SCD5: variants seen among roughly 807,000 people sequenced by gnomAD.
The protein encoded by SCD5 is acyl-CoA-desaturase 4.
A neutral mutation model predicts 30.4 loss-of-function variants in SCD5; 20 were observed. That is an observed-to-expected ratio of 0.66 (90% confidence interval 0.46 to 0.96). SCD5 has a LOEUF of 0.96. Ranked by LOEUF, SCD5 falls within the 40% of genes least tolerant of loss-of-function variation. SCD5 has a pLI of 0.00. For missense variants in SCD5, 381 were observed against 443.3 expected (o/e 0.86, Z 1.26); for synonymous variants, 173 against 176.4 (o/e 0.98, Z 0.16).
At chr4:82,798,281 C>T in intron 1 of SCD5, 25 bp downstream of exon 1, 1 of 1,546,140 alleles carries the variant, frequency 6.5e-7, no homozygotes, top group Non-Finnish European at 8.7e-7. Flanking sequence ...GAGGCCGGGG[C>T]GCAGGGGGCG....
rs1206063749 is a variant in SCD5 at position 82,798,527 on chromosome 4, G to A, written c.11C>T (p.Pro4Leu). MPG[P>L]ATDAGKIPFC... is the part of the protein sequence containing the mutation. ...AGGGATCTTCCCCGCGTCGGTGGCC[G>A]GGCCTGGCATGGCTGGGCGAGGTGG... Residue 4 changes from proline (P) to leucine (L), a missense_variant, in exon 1 of 5, where the codon CCG becomes CTG. Pro to Leu is a moderately conservative substitution (Grantham distance 98). Coordinates refer to ENST00000319540, the MANE Select transcript of SCD5 (RefSeq NM_001037582.3). The A allele has an allele frequency of 1.3e-6, 2 of 1,595,896 alleles. No individual in the cohort carries two copies. The highest frequency in any genetic ancestry group is 1.7e-6 in the Non-Finnish European group (2 of 1,171,850).
At chr4:82,777,850 A>T (rs1192882032) in intron 1 of SCD5, among the ~76,000 whole-genome samples, 1 of 152,164 alleles carries the variant, frequency 6.6e-6, no homozygotes, top group Admixed American at 6.5e-5. Flanking sequence ...ACTAAGCAAT[A>T]AAGTCTCTTC....
intron 3 of SCD5, among the ~76,000 whole-genome samples, chr4:82,649,886 T>C (rs1727710125): frequency 6.6e-6 from 1 of 152,188 alleles, no homozygotes; most frequent in Non-Finnish European, 1.5e-5. Flanking sequence ...GCATGAATAC[T>C]GGAGATTACT....
intron 1 of SCD5, among the ~76,000 whole-genome samples, chr4:82,716,434 T>C (rs1720229518): frequency 6.6e-6 from 1 of 151,824 alleles, no homozygotes; most frequent in Non-Finnish European, 1.5e-5. Context: ...TGAAAATACA[T>C]ACAGTCAGCC....
intron 1 of SCD5, among the ~76,000 whole-genome samples, chr4:82,739,227 T>C (rs752861354): frequency 8.5e-5 from 13 of 152,108 alleles, no homozygotes; most frequent in Non-Finnish European, 1.3e-4. Flanking sequence ...GGTAAGACAT[T>C]TGTAGTCATG....
chr4:82,646,809 T>A (rs1727642225), intron 3 of SCD5, among the ~76,000 whole-genome samples: 1 of 152,178 alleles, frequency 6.6e-6, no homozygotes, highest in Non-Finnish European at 1.5e-5. Flanking sequence ...GAAAAGATAT[T>A]TTTCTCTGGC....
At chr4:82,771,190 T>G (rs192567692) in intron 1 of SCD5, among the ~76,000 whole-genome samples, 6 of 152,238 alleles carry the variant, frequency 3.9e-5, no homozygotes, top group Non-Finnish European at 7.4e-5. Context: ...ACTGGTCTCA[T>G]ACTCCTGGGT....
chr4:82,721,980 G>A (rs1033180658), intron 1 of SCD5, among the ~76,000 whole-genome samples: 2 of 152,204 alleles, frequency 1.3e-5, no homozygotes, highest in Admixed American at 1.3e-4. Context: ...ACACTGGAAC[G>A]CACCTCCACC....
chr4:82,754,526 TC>T (rs1721190381), intron 1 of SCD5, among the ~76,000 whole-genome samples: 1 of 94,206 alleles, frequency 1.1e-5, no homozygotes, highest in Non-Finnish European at 2.2e-5. Flanking sequence ...GGACCCACCC[TC>T]CCCTCACCAG....
intron 3 of SCD5, among the ~76,000 whole-genome samples, chr4:82,674,266 C>T (rs1728389427): frequency 6.6e-6 from 1 of 152,046 alleles, no homozygotes; most frequent in Non-Finnish European, 1.5e-5. Context: ...GGACTGTTAT[C>T]CAAAATATAT....
At chr4:82,753,803 T>C (rs1422869084) in intron 1 of SCD5, among the ~76,000 whole-genome samples, 2 of 152,062 alleles carry the variant, frequency 1.3e-5, no homozygotes, top group Non-Finnish European at 2.9e-5. Context: ...GACAGAAGTC[T>C]ATGAAAATCC....
chr4:82,652,694 G>A (rs1024795186), intron 3 of SCD5, among the ~76,000 whole-genome samples: 5 of 152,142 alleles, frequency 3.3e-5, no homozygotes, highest in African/African-American at 1.2e-4. Flanking sequence ...ACTAGAAGCT[G>A]TTACTATTAT....
At chr4:82,724,235 T>C (rs989832246) in intron 1 of SCD5, among the ~76,000 whole-genome samples, 9 of 152,348 alleles carry the variant, frequency 5.9e-5, no homozygotes, top group East Asian at 1.9e-4. Context: ...CCGAATTTCA[T>C]CTTTCTCTTT....
At chr4:82,649,573 AG>A (rs1355187826) in intron 3 of SCD5, among the ~76,000 whole-genome samples, 4 of 152,030 alleles carry the variant, frequency 2.6e-5, no homozygotes, top group African/African-American at 9.7e-5. Context: ...TCTGAATAGA[AG>A]GTGAGCTGTG....
At chr4:82,745,631 T>C (rs1720966420) in intron 1 of SCD5, among the ~76,000 whole-genome samples, 1 of 152,214 alleles carries the variant, frequency 6.6e-6, no homozygotes, top group African/African-American at 2.4e-5. Flanking sequence ...CCAGCACCCA[T>C]TAGCTATTCT....
At chr4:82,771,650 ACATGGT>A (rs111284431) in intron 1 of SCD5, among the ~76,000 whole-genome samples, 23,956 of 152,022 alleles carry the variant, frequency 0.16, 2,252 homozygotes, top group African/African-American at 0.26. Context: ...GCCACAGACC[ACATGGT>A]CCCATGCCTG....
intron 1 of SCD5, among the ~76,000 whole-genome samples, chr4:82,722,331 A>AT (rs1318528350): frequency 2.6e-5 from 4 of 152,162 alleles, no homozygotes; most frequent in African/African-American, 4.8e-5. Context: ...GTAGCCTCCT[A>AT]TGTCAGCACT....
chr4:82,650,861 C>T (rs188634306), intron 3 of SCD5, among the ~76,000 whole-genome samples: 24 of 151,174 alleles, frequency 1.6e-4, no homozygotes, highest in African/African-American at 4.9e-4. Context: ...AAAATATATG[C>T]ATATTTGTTA....
At chr4:82,780,956 T>A (rs1180022727) in intron 1 of SCD5, among the ~76,000 whole-genome samples, 2 of 152,146 alleles carry the variant, frequency 1.3e-5, no homozygotes, top group Admixed American at 6.5e-5. Context: ...ACACCAACAG[T>A]TAGAGGTGGG....
Sources: allele counts gnomAD v4.1 joint callset (sites outside exome capture counted in the v4.1 genomes callset), GRCh38; gene constraint gnomAD v4.1.1; transcripts MANE v1.5; gene names NCBI Gene and HGNC (gene_info 2026-07-23, HGNC 2026-07-21).